ROBO2: variants seen among roughly 807,000 people sequenced by gnomAD.
ROBO2 encodes roundabout guidance receptor 2.
In ROBO2, 53 loss-of-function variants were observed where a neutral mutation model predicts 160.8. That is an observed-to-expected ratio of 0.33 (90% CI 0.26 to 0.41). The LOEUF is 0.41. Among genes scored for constraint, ROBO2 ranks in the 10% least tolerant of loss-of-function variants. ROBO2 has a pLI of 1.00. For synonymous variants in ROBO2, 664 were observed against 611.7 expected, an observed-to-expected ratio of 1.09 and a Z score of -1.26; for missense variants, 1,577 against 1,722.4, an observed-to-expected ratio of 0.92 and a Z score of 1.49.
At chr3:77,436,134 C>T (rs2079258512) in intron 2 of ROBO2, among the ~76,000 whole-genome samples, 1 of 150,646 alleles carries the variant, frequency 6.6e-6, no homozygotes, top group Non-Finnish European at 1.5e-5. Context: ...TTCTCTAATG[C>T]ATGTTTTATA....
chr3:76,256,351 C>CAA (rs1559690080), intron 2 of ROBO2, among the ~76,000 whole-genome samples: 2 of 84,448 alleles, frequency 2.4e-5, no homozygotes, highest in Non-Finnish European at 3.0e-5. Context: ...CTCTCTCTCT[C>CAA]TCACATACAC....
At chr3:76,598,177 G>A (rs1172690288) in intron 2 of ROBO2, among the ~76,000 whole-genome samples, 2 of 151,378 alleles carry the variant, frequency 1.3e-5, no homozygotes, top group African/African-American at 4.8e-5. Context: ...GAGCCCAAAA[G>A]GTTACATACT....
intron 2 of ROBO2, among the ~76,000 whole-genome samples, chr3:76,393,338 T>C (rs963922235): frequency 6.6e-6 from 1 of 152,152 alleles, no homozygotes; most frequent in Non-Finnish European, 1.5e-5. Context: ...CAAGTCATAT[T>C]TGAGAAGAAT....
chr3:76,453,728 G>A (rs1175420973), intron 2 of ROBO2, among the ~76,000 whole-genome samples: 1 of 152,044 alleles, frequency 6.6e-6, no homozygotes, highest in African/African-American at 2.4e-5. Context: ...CATGCAATTA[G>A]GCACCTTTGT....
At chr3:75,955,021 G>A (rs572027186) in intron 2 of ROBO2, among the ~76,000 whole-genome samples, 1 of 151,790 alleles carries the variant, frequency 6.6e-6, no homozygotes, top group South Asian at 2.1e-4. Flanking sequence ...GGACGAATGC[G>A]CCTGGGTGGA....
chr3:75,934,289 T>G (rs1947673434), intron 1 of ROBO2, among the ~76,000 whole-genome samples: 1 of 152,198 alleles, frequency 6.6e-6, no homozygotes, highest in African/African-American at 2.4e-5. Flanking sequence ...TAGGAGTTAT[T>G]TTAATCTTTA....
chr3:76,291,872 C>T (rs947361421), intron 2 of ROBO2, among the ~76,000 whole-genome samples: 1 of 151,244 alleles, frequency 6.6e-6, no homozygotes, highest in African/African-American at 2.4e-5. Context: ...GTGCTGTTGT[C>T]CAAGGGTGTA....
At chr3:76,859,895 T>C (rs183595604) in intron 2 of ROBO2, among the ~76,000 whole-genome samples, 116 of 152,220 alleles carry the variant, frequency 7.6e-4, no homozygotes, top group African/African-American at 2.6e-3. Flanking sequence ...AAACCAGATA[T>C]GACATCTGTG....
chr3:76,290,057 A>T (rs1708728093), intron 2 of ROBO2, among the ~76,000 whole-genome samples: 1 of 152,134 alleles, frequency 6.6e-6, no homozygotes, highest in African/African-American at 2.4e-5. Flanking sequence ...TGATAGGAAT[A>T]GCACTGAATT....
intron 2 of ROBO2, among the ~76,000 whole-genome samples, chr3:76,746,587 A>T (rs963130028): frequency 8.5e-5 from 13 of 152,170 alleles, no homozygotes; most frequent in Non-Finnish European, 1.3e-4. Flanking sequence ...ATAGCCAGTG[A>T]TGGTGAGCAT....
chr3:77,352,549 G>T (rs1009112192), intron 2 of ROBO2, among the ~76,000 whole-genome samples: 4 of 150,594 alleles, frequency 2.7e-5, no homozygotes, highest in African/African-American at 9.8e-5. Flanking sequence ...TGTTCATTTG[G>T]TAAGCCATGA....
chr3:75,921,556 A>G (rs1164713626), intron 1 of ROBO2, among the ~76,000 whole-genome samples: 1 of 152,126 alleles, frequency 6.6e-6, no homozygotes, highest in East Asian at 1.9e-4. Context: ...ATGCTATAGA[A>G]TCAGAATCAG....
intron 1 of ROBO2, among the ~76,000 whole-genome samples, chr3:75,919,311 T>C (rs1946932657): frequency 1.3e-5 from 2 of 152,336 alleles, no homozygotes; most frequent in East Asian, 1.9e-4. Context: ...GTTTTTGTCA[T>C]TGGTTCTGTT....
At chr3:76,273,126 T>C (rs200439699) in intron 2 of ROBO2, among the ~76,000 whole-genome samples, 36,037 of 107,886 alleles carry the variant, frequency 0.33, 6,537 homozygotes, top group Non-Finnish European at 0.4. Context: ...TATAAATATA[T>C]ATATATATAT....
intron 2 of ROBO2, among the ~76,000 whole-genome samples, chr3:76,118,138 T>C (rs1329399357): frequency 2.0e-5 from 3 of 151,856 alleles, no homozygotes; most frequent in Non-Finnish European, 4.4e-5. Flanking sequence ...GAACTTAAAG[T>C]ATAATAAAAC....
chr3:77,261,163 G>C (rs1008394656), intron 2 of ROBO2, among the ~76,000 whole-genome samples: 16 of 152,134 alleles, frequency 1.1e-4, no homozygotes, highest in African/African-American at 3.6e-4. Context: ...GTCTGGAGTA[G>C]AAATGAGGTG....
chr3:76,418,820 A>AT (rs1347982490), intron 2 of ROBO2, among the ~76,000 whole-genome samples: 1 of 152,076 alleles, frequency 6.6e-6, no homozygotes, highest in Non-Finnish European at 1.5e-5. Flanking sequence ...AGTTCTGTCA[A>AT]TTGTTAACTG....
At chr3:77,188,968 T>A (rs34620305) in intron 2 of ROBO2, among the ~76,000 whole-genome samples, 7,875 of 142,184 alleles carry the variant, frequency 0.055, 293 homozygotes, top group African/African-American at 0.1. Flanking sequence ...TGTGTGTGTG[T>A]GAGAGAGAGA....
intron 2 of ROBO2, among the ~76,000 whole-genome samples, chr3:76,502,016 C>A (rs961506539): frequency 1.3e-4 from 19 of 148,754 alleles, no homozygotes; most frequent in Middle Eastern, 3.4e-3. Flanking sequence ...AAAATAGACT[C>A]CCATAATCTT....
Sources: allele counts gnomAD v4.1 joint callset (sites outside exome capture counted in the v4.1 genomes callset), GRCh38; gene constraint gnomAD v4.1.1; transcripts MANE v1.5; gene names NCBI Gene and HGNC (gene_info 2026-07-23, HGNC 2026-07-21).